The following EML4 variants were observed in gnomAD, a reference collection of about 807,000 sequenced individuals.
EML4 encodes the protein EMAP like 4, also known as echinoderm microtubule-associated protein-like 4.
EML4 carries 72 observed loss-of-function variants against 129.0 expected under a neutral mutation model. The observed-to-expected ratio is 0.56, with a 90% CI of 0.46 to 0.68. EML4 has a LOEUF of 0.68. Among genes scored for constraint, EML4 ranks in the 30% least tolerant of loss-of-function variants. The probability of loss-of-function intolerance (pLI) is 0.00; values close to 1 mark genes in which losing one functional copy is unlikely to be tolerated. For missense variants in EML4, 1,363 were observed against 1,190.6 expected (o/e 1.14, Z -2.13); for synonymous variants, 532 against 405.0 (o/e 1.31, Z -3.77).
chr2:42,227,666 C>T (rs1674058700), intron 1 of EML4, among the ~76,000 whole-genome samples: 1 of 152,178 alleles, frequency 6.6e-6, no homozygotes, highest in Admixed American at 6.5e-5. Context: ...TCTGCCACCC[C>T]TAAGGCAGCA....
intron 1 of EML4, among the ~76,000 whole-genome samples, chr2:42,185,091 C>G (rs1031128149): frequency 6.6e-6 from 1 of 151,998 alleles, no homozygotes; most frequent in Non-Finnish European, 1.5e-5. Context: ...AATATAATAC[C>G]TGAGCATATA....
intron 1 of EML4, among the ~76,000 whole-genome samples, chr2:42,243,087 A>G (rs1200117858): frequency 6.6e-6 from 1 of 152,116 alleles, no homozygotes; most frequent in East Asian, 1.9e-4. Flanking sequence ...TGAAATTTCT[A>G]GTAGTAATAT....
At chr2:42,276,675 T>C (rs184883827) in intron 6 of EML4, among the ~76,000 whole-genome samples, 2 of 152,358 alleles carry the variant, frequency 1.3e-5, no homozygotes, top group Admixed American at 1.3e-4. Flanking sequence ...ATGTCTTATT[T>C]AATCACTTAT....
intron 6 of EML4, among the ~76,000 whole-genome samples, chr2:42,268,536 G>C (rs529672407): frequency 1.3e-5 from 2 of 152,210 alleles, no homozygotes; most frequent in East Asian, 1.9e-4. Flanking sequence ...CTCCGAGCTT[G>C]AGTGACCCTC....
In EML4 at chr2:42,304,540, G is replaced by T. The variant is rs770961169; in HGVS notation, c.1956G>T (p.Thr652=). 1.5e-5 allele frequency: 24 copies of T among 1,613,282 alleles called. No individual in the cohort carries two copies. The Admixed American group carries it at 3.8e-4, about 26-fold the overall frequency. Residue 652 remains threonine, a synonymous_variant, in exon 17 of 23, where the codon ACG becomes ACT. Coordinates refer to ENST00000318522, the MANE Select transcript of EML4 (RefSeq NM_019063.5). The part of the protein sequence containing the change: ...HPSGTVVAIG[T]HSGRWFVLDA... ...GTGGCACAGTGGTGGCCATAGGAAC[G>T]CACTCAGGCAGGTAGGGTCTTTAAG...
At chr2:42,174,340 G>C (rs926149517) in intron 1 of EML4, among the ~76,000 whole-genome samples, 12 of 152,218 alleles carry the variant, frequency 7.9e-5, no homozygotes, top group African/African-American at 2.2e-4. Context: ...TCCCAGGCTG[G>C]AGTACAATGG....
Position 42,330,324 on chromosome 2 carries a change from G to T in EML4, c.*117G>T. On this transcript the variant is annotated 3_prime_UTR_variant, in exon 23 of 23. Coordinates refer to ENST00000318522, the MANE Select transcript of EML4 (RefSeq NM_019063.5). ...TGTTGATTGAGATTTTGGTTTCCAT[G>T]TGATTTGTTTTCTTCAATAGTCTTA... is the stretch of plus-strand genomic sequence containing the variant. 1.1e-6 allele frequency: 1 copy of T among 938,386 alleles called. No individual in the cohort carries two copies. The allele number at this position is 938,386 out of a possible 1,614,324, so 58.1% of individuals were successfully genotyped here.
At chr2:42,310,301 C>A (rs1192226174) in intron 17 of EML4, among the ~76,000 whole-genome samples, 1 of 151,636 alleles carries the variant, frequency 6.6e-6, no homozygotes, top group Non-Finnish European at 1.5e-5. Context: ...TCCCATTCCC[C>A]TTTCCCTTCC....
intron 3 of EML4, among the ~76,000 whole-genome samples, chr2:42,258,317 G>A (rs551259281): frequency 8.4e-4 from 128 of 151,776 alleles, no homozygotes; most frequent in Non-Finnish European, 1.3e-3. Context: ...TGGACATATT[G>A]GAACTCAGTT....
chr2:42,319,220 G>A (rs1466446846), intron 19 of EML4, among the ~76,000 whole-genome samples: 6 of 152,124 alleles, frequency 3.9e-5, no homozygotes, highest in South Asian at 2.1e-4. Context: ...TAGTAGAGCC[G>A]ACTTTCCAAT....
chr2:42,240,185 GT>G (rs1312435745), intron 1 of EML4, among the ~76,000 whole-genome samples: 1 of 152,162 alleles, frequency 6.6e-6, no homozygotes, highest in Non-Finnish European at 1.5e-5. Flanking sequence ...CTGGAACACT[GT>G]AACTGGAGGA....
At chr2:42,321,244 G>A (rs1023441557) in intron 19 of EML4, among the ~76,000 whole-genome samples, 2 of 151,922 alleles carry the variant, frequency 1.3e-5, no homozygotes, top group African/African-American at 2.4e-5. Context: ...TTAGCCGGGC[G>A]TGGTGGCGGG....
chr2:42,300,627 G>A (rs1385378474), intron 13 of EML4, among the ~76,000 whole-genome samples: 1 of 152,170 alleles, frequency 6.6e-6, no homozygotes, highest in East Asian at 1.9e-4. Context: ...AATAACTTCT[G>A]TAGTGCCCCC....
chr2:42,212,427 G>C (rs902978207), intron 1 of EML4, among the ~76,000 whole-genome samples: 1 of 151,466 alleles, frequency 6.6e-6, no homozygotes, highest in South Asian at 2.1e-4. Flanking sequence ...TTCCTTCAGC[G>C]TTTTAAAGAA....
chr2:42,219,237 GGTCCACT>G (rs1227843675), intron 1 of EML4, among the ~76,000 whole-genome samples: 2 of 152,160 alleles, frequency 1.3e-5, no homozygotes, highest in African/African-American at 4.8e-5. Context: ...GAACTGGGCA[GGTCCACT>G]GATATGTGGA....
chr2:42,190,864 C>A (rs1671539781), intron 1 of EML4, among the ~76,000 whole-genome samples: 1 of 152,172 alleles, frequency 6.6e-6, no homozygotes, highest in Non-Finnish European at 1.5e-5. Flanking sequence ...AGGTAACTTT[C>A]ACATATTGCA....
chr2:42,198,393 A>T (rs1672020285), intron 1 of EML4, among the ~76,000 whole-genome samples: 1 of 152,042 alleles, frequency 6.6e-6, no homozygotes, highest in Non-Finnish European at 1.5e-5. Context: ...TGTTTAACTC[A>T]AGAGGCACCT....
chr2:42,304,481 T>C lies in EML4; in HGVS notation c.1900-3T>C, dbSNP rs1668480652. On this transcript the variant is annotated splice_polypyrimidine_tract_variant and splice_region_variant and intron_variant, in intron 16 of 22. Coordinates refer to ENST00000318522, the MANE Select transcript of EML4 (RefSeq NM_019063.5). Reference sequence around the variant, plus strand: ...CCCCAACAGCTGTCTGTCTCTTTTCTAGGAACCAGGACACTGTGCAGATTT... The same window carrying C: ...CCCCAACAGCTGTCTGTCTCTTTTCCAGGAACCAGGACACTGTGCAGATTT... 6.2e-7 allele frequency: 1 copy of C among 1,613,732 alleles called. No homozygotes were observed. Among genetic ancestry groups the C allele is most frequent in the Non-Finnish European group, 8.5e-7 (1 of 1,179,756 alleles).
At chr2:42,237,658 C>A (rs1236308013) in intron 1 of EML4, among the ~76,000 whole-genome samples, 1 of 152,118 alleles carries the variant, frequency 6.6e-6, no homozygotes, top group African/African-American at 2.4e-5. Context: ...TTACTGGTAA[C>A]AAGTTGATTC....
Sources: allele counts gnomAD v4.1 joint callset (sites outside exome capture counted in the v4.1 genomes callset), GRCh38; gene constraint gnomAD v4.1.1; transcripts MANE v1.5; gene names NCBI Gene and HGNC (gene_info 2026-07-23, HGNC 2026-07-21).